The following CERT1 variants were observed in gnomAD, a reference collection of about 807,000 sequenced individuals.
The protein encoded by CERT1 is ceramide transporter 1.
Under a neutral mutation model 87.9 loss-of-function variants are expected in CERT1, and 31 were observed. The observed-to-expected ratio is 0.35, with a 90% confidence interval of 0.27 to 0.48. CERT1 has a LOEUF of 0.48. CERT1 is among the 20% of genes least tolerant of loss of function. CERT1 has a pLI of 0.99. For missense variants in CERT1, 487 were observed against 758.0 expected (o/e 0.64, Z 4.20); for synonymous variants, 289 against 250.9 (o/e 1.15, Z -1.44).
intron 11 of CERT1, among the ~76,000 whole-genome samples, chr5:75,391,501 T>C (rs1195978195): frequency 1.3e-5 from 2 of 152,214 alleles, no homozygotes; most frequent in Non-Finnish European, 2.9e-5. Context: ...AGTTACTGAT[T>C]TGACAGAAAT....
intron 7 of CERT1, among the ~76,000 whole-genome samples, chr5:75,414,582 A>G (rs143127192): frequency 9.2e-5 from 14 of 152,230 alleles, no homozygotes; most frequent in Middle Eastern, 6.8e-3. Context: ...CTAATTTTAG[A>G]ATTTTTGGTT....
At chr5:75,436,549 A>G (rs1764104190) in intron 3 of CERT1, among the ~76,000 whole-genome samples, 1 of 152,020 alleles carries the variant, frequency 6.6e-6, no homozygotes, top group East Asian at 1.9e-4. Flanking sequence ...CTAGATTTAA[A>G]TATGGGAGAC....
chr5:75,402,798 TC>T (rs1762549840), intron 9 of CERT1, 173 bp downstream of exon 9: 2 of 445,090 alleles, frequency 4.5e-6, no homozygotes, highest in Non-Finnish European at 8.1e-6. Context: ...AGACTCTGTC[TC>T]AAAAAAAAAA....
At chr5:75,466,414 T>A (rs1014725528) in intron 2 of CERT1, among the ~76,000 whole-genome samples, 1 of 152,182 alleles carries the variant, frequency 6.6e-6, no homozygotes, top group South Asian at 2.1e-4. Context: ...TTGTATGAGG[T>A]GTCGCTCCAC....
chr5:75,413,178 T>C (rs1762999742), intron 7 of CERT1, among the ~76,000 whole-genome samples: 1 of 152,180 alleles, frequency 6.6e-6, no homozygotes, highest in Non-Finnish European at 1.5e-5. Flanking sequence ...ATCATCAAGA[T>C]GTCACTAGGC....
At chr5:75,451,031 T>C in intron 3 of CERT1, among the ~76,000 whole-genome samples, 1 of 152,130 alleles carries the variant, frequency 6.6e-6, no homozygotes, top group Non-Finnish European at 1.5e-5. Flanking sequence ...AACTGACAAA[T>C]ATGAAGTTAC....
At chr5:75,384,926 T>C (rs1761724666) in intron 13 of CERT1, among the ~76,000 whole-genome samples, 2 of 152,172 alleles carry the variant, frequency 1.3e-5, no homozygotes, top group Admixed American at 1.3e-4. Context: ...CTCATTTTCT[T>C]TGGCCCAATT....
intron 5 of CERT1, among the ~76,000 whole-genome samples, chr5:75,419,961 T>C (rs1014470319): frequency 6.6e-6 from 1 of 151,946 alleles, no homozygotes. Flanking sequence ...ACACCTTAGC[T>C]TGCCTCTAAG....
chr5:75,456,128 C>T (rs1296517632), intron 3 of CERT1, among the ~76,000 whole-genome samples: 2 of 152,050 alleles, frequency 1.3e-5, no homozygotes, highest in African/African-American at 2.4e-5. Context: ...AATCAAGAAA[C>T]ATCTCACTAG....
intron 2 of CERT1, among the ~76,000 whole-genome samples, chr5:75,460,293 T>C (rs10076819): frequency 0.13 from 19,301 of 152,170 alleles, 1,346 homozygotes; most frequent in East Asian, 0.23. Context: ...TCCCTTTAAG[T>C]ATCTAAAATT....
intron 5 of CERT1, among the ~76,000 whole-genome samples, chr5:75,419,947 G>A (rs1031125110): frequency 6.6e-6 from 1 of 151,906 alleles, no homozygotes; most frequent in Admixed American, 6.6e-5. Context: ...CTTCTATGCA[G>A]AAGACACCTT....
chr5:75,420,999 A>G lies in CERT1; in HGVS notation c.596-1575T>C, dbSNP rs547699343. ...AGCCCAGCTAATTTTTGTAGAGATG[A>G]GGTTTTGCCATGTTGCCCAGGCCGG... is the stretch of plus-strand genomic sequence containing the variant. On this transcript the variant is annotated intron_variant, in intron 5 of 16. Transcript: ENST00000643780. Among the ~76,000 whole-genome samples, 3 of 152,130 alleles carry G rather than the reference A, an allele frequency of 2.0e-5. No individual in the cohort carries two copies. The East Asian group carries it at 5.8e-4, about 29-fold the overall frequency.
At chr5:75,433,880 A>G (rs976389872) in intron 3 of CERT1, among the ~76,000 whole-genome samples, 2 of 152,148 alleles carry the variant, frequency 1.3e-5, no homozygotes, top group African/African-American at 4.8e-5. Flanking sequence ...TGGTTCTAGG[A>G]GCCTTTGGGC....
chr5:75,416,639 A>G (rs186523433), intron 7 of CERT1, among the ~76,000 whole-genome samples: 33 of 152,300 alleles, frequency 2.2e-4, no homozygotes, highest in African/African-American at 7.9e-4. Flanking sequence ...CATCATCACA[A>G]AAACTTTTAT....
chr5:75,502,257 T>C (rs866175378), intron 2 of CERT1, among the ~76,000 whole-genome samples: 1 of 152,322 alleles, frequency 6.6e-6, no homozygotes. Flanking sequence ...ACCATTTTAA[T>C]GTAGCAGTTT....
At chr5:75,451,627 A>G (rs1377108255) in intron 3 of CERT1, among the ~76,000 whole-genome samples, 2 of 152,230 alleles carry the variant, frequency 1.3e-5, no homozygotes, top group Admixed American at 6.5e-5. Context: ...TATAAGGCAG[A>G]TAAGTATAGA....
At chr5:75,490,370 A>G (rs1766727144) in intron 2 of CERT1, among the ~76,000 whole-genome samples, 2 of 152,116 alleles carry the variant, frequency 1.3e-5, no homozygotes. Context: ...TCTTCTTCAG[A>G]GACTCTAGTA....
chr5:75,479,843 T>A (rs1181586255), intron 2 of CERT1, among the ~76,000 whole-genome samples: 1 of 152,208 alleles, frequency 6.6e-6, no homozygotes, highest in Non-Finnish European at 1.5e-5. Context: ...TAGTTTTGCT[T>A]TTAGCTCTGT....
intron 2 of CERT1, among the ~76,000 whole-genome samples, chr5:75,465,247 T>TA (rs1209123639): frequency 1.3e-5 from 2 of 152,194 alleles, no homozygotes; most frequent in Non-Finnish European, 2.9e-5. Context: ...ATTTTTCTGT[T>TA]AGAGTTACAG....
Sources: gnomAD v4.1 joint callset for allele counts (sites outside exome capture counted in the v4.1 genomes callset) on GRCh38, gnomAD v4.1.1 for gene constraint, MANE v1.5 for transcripts, NCBI Gene and HGNC (gene_info 2026-07-23, HGNC 2026-07-21) for gene names.